The following GPC5 variants were observed in gnomAD, a reference collection of about 807,000 sequenced individuals.
GPC5 encodes glypican-5.
In GPC5, 47 loss-of-function variants were observed where a neutral mutation model predicts 53.9. The ratio of observed to expected loss-of-function variants is 0.87; its 90% CI spans 0.69 to 1.11. The LOEUF is 1.11. GPC5 is among the 50% of genes most tolerant of loss of function. The pLI is 0.00. For missense variants in GPC5, 748 were observed against 713.1 expected (o/e 1.05, Z -0.56); for synonymous variants, 286 against 263.3 (o/e 1.09, Z -0.84).
At chr13:92,603,506 C>G (rs1166178500) in intron 7 of GPC5, among the ~76,000 whole-genome samples, 1 of 152,094 alleles carries the variant, frequency 6.6e-6, no homozygotes, top group African/African-American at 2.4e-5. Context: ...TTTGGATTAT[C>G]TTATAGCTGA....
At chr13:91,466,721 G>A (rs1446752475) in intron 2 of GPC5, among the ~76,000 whole-genome samples, 1 of 152,074 alleles carries the variant, frequency 6.6e-6, no homozygotes, top group African/African-American at 2.4e-5. Flanking sequence ...AACTGGTGAT[G>A]GAGTGGGACT....
At chr13:92,031,702 TTA>T (rs1161555787) in intron 6 of GPC5, among the ~76,000 whole-genome samples, 1 of 54,072 alleles carries the variant, frequency 1.8e-5, no homozygotes, top group East Asian at 3.1e-4. Flanking sequence ...ATATAATATA[TTA>T]TATATATTAC....
chr13:91,721,156 C>T (rs1455086757), intron 3 of GPC5, among the ~76,000 whole-genome samples: 1 of 144,160 alleles, frequency 6.9e-6, no homozygotes, highest in African/African-American at 2.6e-5. Flanking sequence ...GGTGGGGGGA[C>T]TGAGTTTCAC....
At chr13:92,172,328 T>A (rs533677155) in intron 7 of GPC5, among the ~76,000 whole-genome samples, 1 of 152,226 alleles carries the variant, frequency 6.6e-6, no homozygotes, top group East Asian at 1.9e-4. Flanking sequence ...ATCATAGAAA[T>A]CACAGCCATT....
intron 2 of GPC5, among the ~76,000 whole-genome samples, chr13:91,591,678 TA>T (rs1466584147): frequency 6.6e-6 from 1 of 152,228 alleles, no homozygotes; most frequent in East Asian, 1.9e-4. Flanking sequence ...TTGATTCAAA[TA>T]ACTCATTTTT....
chr13:92,594,799 A>G (rs1054316624), intron 7 of GPC5, among the ~76,000 whole-genome samples: 45 of 152,234 alleles, frequency 3.0e-4, no homozygotes, highest in African/African-American at 1.0e-3. Flanking sequence ...GAAATTGAAT[A>G]TTATGTCAAA....
At chr13:91,713,423 A>G (rs1195795967) in intron 3 of GPC5, among the ~76,000 whole-genome samples, 1 of 151,952 alleles carries the variant, frequency 6.6e-6, no homozygotes, top group Non-Finnish European at 1.5e-5. Flanking sequence ...ACCGTTCCTA[A>G]TATAAAACCG....
chr13:92,840,368 C>A (rs1367374892), intron 7 of GPC5, among the ~76,000 whole-genome samples: 2 of 151,654 alleles, frequency 1.3e-5, no homozygotes, highest in African/African-American at 4.8e-5. Context: ...ATCTCAAGAC[C>A]CACTGTCTTT....
chr13:92,066,340 C>G (rs1172645772), intron 6 of GPC5, among the ~76,000 whole-genome samples: 1 of 149,928 alleles, frequency 6.7e-6, no homozygotes. Flanking sequence ...ACCATTGTGG[C>G]TGAAGGAGAG....
intron 2 of GPC5, among the ~76,000 whole-genome samples, chr13:91,554,470 A>T (rs2030828605): frequency 6.6e-6 from 1 of 152,072 alleles, no homozygotes; most frequent in South Asian, 2.1e-4. Flanking sequence ...GAAGGGGCAA[A>T]GTTTCAGTTT....
chr13:91,680,099 A>G (rs1018933396), intron 2 of GPC5, among the ~76,000 whole-genome samples: 2 of 152,140 alleles, frequency 1.3e-5, no homozygotes, highest in Non-Finnish European at 2.9e-5. Flanking sequence ...TTAAAAGAAA[A>G]CTGGAAATTT....
chr13:91,599,792 A>G (rs563237264), intron 2 of GPC5, among the ~76,000 whole-genome samples: 1 of 152,226 alleles, frequency 6.6e-6, no homozygotes, highest in Non-Finnish European at 1.5e-5. Context: ...ATTTAAATAC[A>G]CTGAGGCTCT....
chr13:92,073,410 C>A (rs1378379394), intron 6 of GPC5, among the ~76,000 whole-genome samples: 1 of 152,136 alleles, frequency 6.6e-6, no homozygotes, highest in Non-Finnish European at 1.5e-5. Flanking sequence ...GATTTCTGAT[C>A]CAGTCTTCAG....
At chr13:92,174,346 C>G (rs1436578669) in intron 7 of GPC5, among the ~76,000 whole-genome samples, 1 of 148,032 alleles carries the variant, frequency 6.8e-6, no homozygotes, top group Non-Finnish European at 1.5e-5. Flanking sequence ...ACGGTGAAAC[C>G]CTGTCTCTAC....
chr13:91,473,839 A>G (rs1338939883), intron 2 of GPC5, among the ~76,000 whole-genome samples: 1 of 152,168 alleles, frequency 6.6e-6, no homozygotes, highest in African/African-American at 2.4e-5. Flanking sequence ...TTTCTTCCTC[A>G]AGCACTCTAA....
At chr13:92,470,120 C>T (rs1878851851) in intron 7 of GPC5, among the ~76,000 whole-genome samples, 2 of 152,020 alleles carry the variant, frequency 1.3e-5, no homozygotes, top group Admixed American at 1.3e-4. Flanking sequence ...TCAGCTTGTT[C>T]GTGTTTTACT....
intron 6 of GPC5, among the ~76,000 whole-genome samples, chr13:92,008,946 A>G (rs915419937): frequency 1.3e-5 from 2 of 151,974 alleles, no homozygotes; most frequent in Admixed American, 1.3e-4. Context: ...GCTATATCCA[A>G]TATGCTTTTA....
intron 2 of GPC5, among the ~76,000 whole-genome samples, chr13:91,499,193 G>T (rs1048094570): frequency 2.0e-5 from 3 of 152,102 alleles, no homozygotes; most frequent in Non-Finnish European, 4.4e-5. Context: ...CAGGTAACAG[G>T]ATGCTGTTAT....
chr13:91,841,067 C>T lies in GPC5; in HGVS notation c.1281-66870C>T, dbSNP rs114541148. Among the ~76,000 whole-genome samples the T allele has an allele frequency of 7.8e-3, 1,186 of 151,392 alleles. 17 individuals are homozygous for T. Among genetic ancestry groups the T allele is most frequent in the African/African-American group, 0.027 (1,124 of 41,214 alleles). On this transcript the variant is annotated intron_variant, in intron 5 of 7. Coordinates refer to ENST00000377067, the MANE Select transcript of GPC5 (RefSeq NM_004466.6). ...GATTTTTTTTTTATTTTTCAAAGAG[C>T]GTGAAAGCTAGTTTCACTGCAGATG...
Sources: allele counts gnomAD v4.1 joint callset (sites outside exome capture counted in the v4.1 genomes callset), GRCh38; gene constraint gnomAD v4.1.1; transcripts MANE v1.5; gene names NCBI Gene and HGNC (gene_info 2026-07-23, HGNC 2026-07-21).